Variants in CNTN1 observed in about 807,000 individuals in gnomAD.
CNTN1 encodes the protein contactin-1.
CNTN1 carries 38 observed loss-of-function variants against 126.4 expected under a neutral mutation model. The ratio of observed to expected loss-of-function variants is 0.30; its 90% CI spans 0.23 to 0.39. The LOEUF (loss-of-function observed/expected upper bound fraction) is 0.39, where lower values mean the gene tolerates loss of function less well. Among genes scored for constraint, CNTN1 ranks in the 10% least tolerant of loss-of-function variants. The probability of loss-of-function intolerance (pLI) is 1.00; values close to 1 mark genes in which losing one functional copy is unlikely to be tolerated. For synonymous variants in CNTN1, 413 were observed against 422.6 expected (o/e 0.98, Z 0.28); for missense variants, 1,009 against 1,248.4 (o/e 0.81, Z 2.89).
chr12:40,987,681 A>G (rs1947991096), intron 16 of CNTN1, among the ~76,000 whole-genome samples: 1 of 152,212 alleles, frequency 6.6e-6, no homozygotes, highest in African/African-American at 2.4e-5. Flanking sequence ...ATTTTTCTGC[A>G]GTTAACATCT....
chr12:40,718,500 A>G (rs1942106419), intron 1 of CNTN1, among the ~76,000 whole-genome samples: 1 of 152,116 alleles, frequency 6.6e-6, no homozygotes, highest in Non-Finnish European at 1.5e-5. Flanking sequence ...CTTCTCCGAT[A>G]AGGAACCCGA....
intron 1 of CNTN1, among the ~76,000 whole-genome samples, chr12:40,823,651 A>G (rs1222665081): frequency 1.3e-5 from 2 of 152,168 alleles, no homozygotes; most frequent in Non-Finnish European, 2.9e-5. Context: ...TTACTTATCC[A>G]CATTTCAGGG....
At chr12:40,912,689 C>A (rs183464217) in intron 3 of CNTN1, among the ~76,000 whole-genome samples, 6 of 151,766 alleles carry the variant, frequency 4.0e-5, no homozygotes, top group African/African-American at 1.4e-4. Context: ...TAGAACATTT[C>A]ATATATCTTT....
At chr12:40,792,215 C>G (rs910748845) in intron 1 of CNTN1, among the ~76,000 whole-genome samples, 1 of 151,938 alleles carries the variant, frequency 6.6e-6, no homozygotes, top group Non-Finnish European at 1.5e-5. Context: ...AGAAATGGGA[C>G]CCAGCAGCAC....
intron 17 of CNTN1, among the ~76,000 whole-genome samples, chr12:41,009,641 CT>C (rs1290281664): frequency 1.3e-5 from 2 of 152,180 alleles, no homozygotes. Context: ...TTATGTGCTC[CT>C]AACATTGGGG....
rs1037236706 is a variant in CNTN1 at position 41,071,377 on chromosome 12, G to A, written c.*1342G>A. 3 of 152,170 alleles carry A rather than the reference G, an allele frequency of 2.0e-5. No individual in the cohort carries two copies. Among genetic ancestry groups the A allele is most frequent in the African/African-American group, 4.8e-5 (2 of 41,452 alleles). 9.4% of individuals were successfully genotyped at this position (152,170 alleles called of 1,614,324 possible). A position where few individuals can be genotyped will look rare whatever the true frequency, so the allele number is the denominator to read the frequency against. ...AAAGAAATCGAGTAATAAAGAATTA[G>A]CTGGCTTGTGAAATAGTGCAGTGTT... On this transcript the variant is annotated 3_prime_UTR_variant, in exon 24 of 24. Transcript: ENST00000551295.
Position 40,833,127 on chromosome 12 carries a change from C to T in CNTN1, c.-76-75230C>T, listed in dbSNP as rs191598584. ...CTGGAGTCCAGTGGCGCAGTCTCGG[C>T]TCACGGCAACCTCCTGGAGTGCAAT... On this transcript the variant is annotated intron_variant, in intron 1 of 23. Coordinates refer to ENST00000551295, the MANE Select transcript of CNTN1 (RefSeq NM_001843.4). Among the ~76,000 whole-genome samples, 156 of 152,156 alleles carry T rather than the reference C, an allele frequency of 1.0e-3. 2 individuals are homozygous for T. The highest frequency in any genetic ancestry group is 3.1e-3 in the African/African-American group (130 of 41,494).
chr12:40,778,645 C>A (rs764854557), intron 1 of CNTN1, among the ~76,000 whole-genome samples: 47 of 151,590 alleles, frequency 3.1e-4, no homozygotes, highest in Non-Finnish European at 5.5e-4. Flanking sequence ...GGCTTAAACA[C>A]GAACAATCCC....
At chr12:40,719,370 A>C (rs1387627104) in intron 1 of CNTN1, among the ~76,000 whole-genome samples, 3 of 152,336 alleles carry the variant, frequency 2.0e-5, no homozygotes, top group Non-Finnish European at 1.5e-5. Flanking sequence ...AGGCCTAATC[A>C]TTTAGACATC....
At chr12:41,064,140 C>G (rs571814471) in intron 23 of CNTN1, among the ~76,000 whole-genome samples, 19 of 148,070 alleles carry the variant, frequency 1.3e-4, no homozygotes, top group African/African-American at 4.8e-4. Flanking sequence ...CGCCACTGCA[C>G]TGCAGCCTGG....
intron 1 of CNTN1, among the ~76,000 whole-genome samples, chr12:40,755,219 A>G (rs1352825963): frequency 6.8e-6 from 1 of 147,704 alleles, no homozygotes; most frequent in African/African-American, 2.5e-5. Flanking sequence ...AAAAAAAAAA[A>G]AAAAAAAGAA....
intron 1 of CNTN1, among the ~76,000 whole-genome samples, chr12:40,882,039 A>T (rs1227872168): frequency 6.6e-6 from 1 of 151,662 alleles, no homozygotes; most frequent in Non-Finnish European, 1.5e-5. Context: ...AGATGAAGAT[A>T]GGAGGATGGG....
At chr12:40,865,797 T>G (rs1281229035) in intron 1 of CNTN1, among the ~76,000 whole-genome samples, 1 of 152,040 alleles carries the variant, frequency 6.6e-6, no homozygotes, top group Non-Finnish European at 1.5e-5. Context: ...CTTTTGGATA[T>G]TCTGGGTCCC....
At chr12:40,986,300 T>C (rs1485593401) in intron 16 of CNTN1, among the ~76,000 whole-genome samples, 8 of 152,208 alleles carry the variant, frequency 5.3e-5, no homozygotes. Context: ...ATTCCAAACA[T>C]TGTGTATAGA....
At chr12:40,963,432 T>C (rs1947178917) in intron 15 of CNTN1, among the ~76,000 whole-genome samples, 2 of 152,060 alleles carry the variant, frequency 1.3e-5, no homozygotes, top group South Asian at 4.1e-4. Flanking sequence ...AATTTCAGAA[T>C]CACCCCTTTA....
chr12:40,976,535 T>TA (rs1566076495), intron 15 of CNTN1, among the ~76,000 whole-genome samples: 4 of 134,486 alleles, frequency 3.0e-5, no homozygotes, highest in Non-Finnish European at 6.5e-5. Flanking sequence ...TAATGGAAAC[T>TA]AAAAAAAGAA....
chr12:40,844,639 A>G (rs1051017405), intron 1 of CNTN1, among the ~76,000 whole-genome samples: 2 of 152,228 alleles, frequency 1.3e-5, no homozygotes, highest in Non-Finnish European at 2.9e-5. Flanking sequence ...AAGAAGTCTT[A>G]TAAAGATTGT....
At chr12:40,765,082 A>G (rs1939027119) in intron 1 of CNTN1, among the ~76,000 whole-genome samples, 1 of 151,004 alleles carries the variant, frequency 6.6e-6, no homozygotes, top group African/African-American at 2.4e-5. Flanking sequence ...CATATAGAAT[A>G]TATATTTTAT....
At chr12:40,803,304 A>C (rs537566810) in intron 1 of CNTN1, among the ~76,000 whole-genome samples, 6 of 152,122 alleles carry the variant, frequency 3.9e-5, no homozygotes, top group African/African-American at 1.4e-4. Context: ...ATCCCTTCTT[A>C]AAATGAGTTA....
Sources: gnomAD v4.1 joint callset for allele counts (sites outside exome capture counted in the v4.1 genomes callset) on GRCh38, gnomAD v4.1.1 for gene constraint, MANE v1.5 for transcripts, NCBI Gene and HGNC (gene_info 2026-07-23, HGNC 2026-07-21) for gene names.